NKAIN3: variants seen among roughly 807,000 people sequenced by gnomAD.
NKAIN3 encodes the protein sodium/potassium transporting ATPase interacting 3, also known as sodium/potassium-transporting ATPase subunit beta-1-interacting protein 3.
A neutral mutation model predicts 30.2 loss-of-function variants in NKAIN3; 25 were observed. The ratio of observed to expected loss-of-function variants is 0.83; its 90% CI spans 0.60 to 1.16. NKAIN3 has a LOEUF of 1.16. Among genes scored for constraint, NKAIN3 ranks in the 50% most tolerant of loss-of-function variants. The probability of loss-of-function intolerance (pLI) is 0.00; values close to 1 mark genes in which losing one functional copy is unlikely to be tolerated. For missense variants in NKAIN3, 225 were observed against 254.1 expected (o/e 0.89, Z 0.78); for synonymous variants, 91 against 89.6 (o/e 1.02, Z -0.09).
chr8:62,292,393 T>A (rs1207258920), intron 1 of NKAIN3, among the ~76,000 whole-genome samples: 1 of 152,202 alleles, frequency 6.6e-6, no homozygotes, highest in Non-Finnish European at 1.5e-5. Context: ...CTTTCCATGT[T>A]TATTGCTTCC....
chr8:62,485,997 A>G (rs1462117646), intron 1 of NKAIN3, among the ~76,000 whole-genome samples: 1 of 152,220 alleles, frequency 6.6e-6, no homozygotes, highest in African/African-American at 2.4e-5. Flanking sequence ...CAGGCAGTAT[A>G]AATGAGAGTG....
intron 1 of NKAIN3, among the ~76,000 whole-genome samples, chr8:62,525,899 T>A (rs1217721630): frequency 1.3e-5 from 2 of 152,184 alleles, no homozygotes; most frequent in African/African-American, 4.8e-5. Flanking sequence ...TATAGAACCA[T>A]GATTACATGG....
At chr8:62,538,335 C>T (rs577572777) in intron 1 of NKAIN3, among the ~76,000 whole-genome samples, 17 of 152,172 alleles carry the variant, frequency 1.1e-4, no homozygotes, top group African/African-American at 3.1e-4. Context: ...CCACTACACA[C>T]GGCTAATTTG....
rs1823871647 is a variant in NKAIN3, at chr8:62,973,221, T to G, written c.*7814T>G. 2.6e-5 allele frequency among the ~76,000 whole-genome samples: 4 copies of G among 152,346 alleles called. No individual in the cohort carries two copies. Among genetic ancestry groups the G allele is most frequent in the Admixed American group, 2.6e-4 (4 of 15,302 alleles). On this transcript the variant is annotated 3_prime_UTR_variant, in exon 7 of 7. Coordinates refer to ENST00000623646, the MANE Select transcript of NKAIN3 (RefSeq NM_001304533.3). Reference sequence around the variant, plus strand: ...TTGCTGGATCAAATGGTATTTCTAGTTCTAGATCCTTGAGGAATTGCCACA... The same window carrying G: ...TTGCTGGATCAAATGGTATTTCTAGGTCTAGATCCTTGAGGAATTGCCACA...
intron 4 of NKAIN3, among the ~76,000 whole-genome samples, chr8:62,853,432 T>C (rs535968472): frequency 6.6e-6 from 1 of 152,176 alleles, no homozygotes; most frequent in Non-Finnish European, 1.5e-5. Context: ...TGTCTTTTAA[T>C]TGGAGCACTT....
chr8:62,703,097 T>C (rs996043011), intron 3 of NKAIN3, among the ~76,000 whole-genome samples: 1 of 152,044 alleles, frequency 6.6e-6, no homozygotes, highest in African/African-American at 2.4e-5. Context: ...TCATTATGGG[T>C]GGGGGTTGGG....
At chr8:62,797,721 C>T (rs1010301661) in intron 4 of NKAIN3, among the ~76,000 whole-genome samples, 2 of 152,114 alleles carry the variant, frequency 1.3e-5, no homozygotes, top group South Asian at 4.1e-4. Context: ...CCCAGAAACT[C>T]ATGCTGAAGT....
intron 1 of NKAIN3, among the ~76,000 whole-genome samples, chr8:62,481,093 A>G (rs1041530459): frequency 6.6e-6 from 1 of 152,120 alleles, no homozygotes; most frequent in Non-Finnish European, 1.5e-5. Flanking sequence ...TTTCATGTTT[A>G]TTGATTGCCT....
intron 5 of NKAIN3, among the ~76,000 whole-genome samples, chr8:62,931,398 G>T (rs866327448): frequency 2.2e-4 from 33 of 152,106 alleles, no homozygotes; most frequent in African/African-American, 7.7e-4. Context: ...GAACTAAAAA[G>T]ATTTTATATA....
At chr8:62,902,657 T>G (rs1192196358) in intron 4 of NKAIN3, among the ~76,000 whole-genome samples, 1 of 152,236 alleles carries the variant, frequency 6.6e-6, no homozygotes, top group African/African-American at 2.4e-5. Flanking sequence ...CTCTTTTAGT[T>G]TACATTTTGG....
At chr8:62,627,919 C>T (rs916760762) in intron 3 of NKAIN3, among the ~76,000 whole-genome samples, 3 of 152,104 alleles carry the variant, frequency 2.0e-5, no homozygotes, top group African/African-American at 7.2e-5. Flanking sequence ...AGAACAGCAG[C>T]ACCCACTGCA....
chr8:62,475,937 A>G (rs1270697186), intron 1 of NKAIN3, among the ~76,000 whole-genome samples: 1 of 152,174 alleles, frequency 6.6e-6, no homozygotes, highest in African/African-American at 2.4e-5. Flanking sequence ...AAGTTACTCA[A>G]ACTCATGCAG....
chr8:62,810,997 A>C (rs1037579527), intron 4 of NKAIN3, among the ~76,000 whole-genome samples: 1 of 152,136 alleles, frequency 6.6e-6, no homozygotes, highest in Admixed American at 6.6e-5. Flanking sequence ...GAACAATTTC[A>C]TCAGCACAGG....
chr8:62,838,362 A>C (rs1819435210), intron 4 of NKAIN3, among the ~76,000 whole-genome samples: 1 of 151,980 alleles, frequency 6.6e-6, no homozygotes, highest in Non-Finnish European at 1.5e-5. Context: ...ATACACACAT[A>C]TATATTGTTC....
rs542765567 is a variant in NKAIN3 at position 62,343,175 on chromosome 8, G to A, written c.54+94048G>A. 2.4e-4 allele frequency among the ~76,000 whole-genome samples: 36 copies of A among 152,084 alleles called. No individual in the cohort carries two copies. In the South Asian group the frequency reaches 7.0e-3, roughly 30 times the overall value. ...TCTGACTGACCATGTTCAAATCCTGGTTTTGTGACATAGCTCCTGGGCTAC... is the reference window on the plus strand; with the variant it reads ...TCTGACTGACCATGTTCAAATCCTGATTTTGTGACATAGCTCCTGGGCTAC... On this transcript the variant is annotated intron_variant, in intron 1 of 6. Coordinates refer to ENST00000623646, the MANE Select transcript of NKAIN3 (RefSeq NM_001304533.3).
intron 1 of NKAIN3, among the ~76,000 whole-genome samples, chr8:62,503,912 G>C (rs1314059952): frequency 6.6e-6 from 1 of 152,146 alleles, no homozygotes; most frequent in Non-Finnish European, 1.5e-5. Context: ...AATCATCACA[G>C]GGTCCTGAGG....
At chr8:62,834,542 T>C (rs949741027) in intron 4 of NKAIN3, among the ~76,000 whole-genome samples, 2 of 151,642 alleles carry the variant, frequency 1.3e-5, no homozygotes, top group African/African-American at 4.8e-5. Context: ...ACATTCAAAC[T>C]GAGAGCCAAA....
intron 1 of NKAIN3, among the ~76,000 whole-genome samples, chr8:62,455,583 G>C (rs531881707): frequency 6.6e-6 from 1 of 152,298 alleles, no homozygotes; most frequent in African/African-American, 2.4e-5. Context: ...CTCACTACCT[G>C]AGTGATGGGA....
intron 1 of NKAIN3, among the ~76,000 whole-genome samples, chr8:62,540,772 T>A (rs1424840792): frequency 1.3e-5 from 2 of 152,034 alleles, no homozygotes; most frequent in Non-Finnish European, 2.9e-5. Context: ...ATTGTCTAGA[T>A]CCCATGTCTT....
Sources: gnomAD v4.1 joint callset for allele counts (sites outside exome capture counted in the v4.1 genomes callset) on GRCh38, gnomAD v4.1.1 for gene constraint, MANE v1.5 for transcripts, NCBI Gene and HGNC (gene_info 2026-07-23, HGNC 2026-07-21) for gene names.